The following EIF3H variants were observed in gnomAD, a reference collection of about 807,000 sequenced individuals.
EIF3H encodes eIF-3-gamma.
A neutral mutation model predicts 44.2 loss-of-function variants in EIF3H; 26 were observed. The ratio of observed to expected loss-of-function variants is 0.59; its 90% CI spans 0.43 to 0.82. The LOEUF (loss-of-function observed/expected upper bound fraction) is 0.82, where lower values mean the gene tolerates loss of function less well. Among genes scored for constraint, EIF3H ranks in the 40% least tolerant of loss-of-function variants. EIF3H has a pLI of 0.00. For missense variants in EIF3H, 359 were observed against 432.8 expected (o/e 0.83, Z 1.51); for synonymous variants, 166 against 151.9 (o/e 1.09, Z -0.68).
At chr8:116,735,280 C>T (rs953566347) in intron 1 of EIF3H, among the ~76,000 whole-genome samples, 28 of 152,148 alleles carry the variant, frequency 1.8e-4, no homozygotes, top group African/African-American at 6.0e-4. Flanking sequence ...GGCTGAGCCA[C>T]GAAAGTAGAA....
chr8:116,687,234 C>A (rs1586456597), intron 2 of EIF3H, among the ~76,000 whole-genome samples: 1 of 152,102 alleles, frequency 6.6e-6, no homozygotes, highest in South Asian at 2.1e-4. Flanking sequence ...TATGTGTTAC[C>A]TTTAAAAGGG....
intron 2 of EIF3H, among the ~76,000 whole-genome samples, chr8:116,706,660 G>A (rs754803855): frequency 4.6e-5 from 7 of 152,006 alleles, no homozygotes; most frequent in African/African-American, 9.7e-5. Context: ...TCAGCCTCAC[G>A]AGTAGCTGAG....
At chr8:116,719,948 T>C (rs926839643) in intron 2 of EIF3H, among the ~76,000 whole-genome samples, 9 of 152,166 alleles carry the variant, frequency 5.9e-5, no homozygotes, top group South Asian at 2.1e-4. Context: ...TCTATTATAG[T>C]AGAAAAACCA....
intron 1 of EIF3H, among the ~76,000 whole-genome samples, chr8:116,745,596 G>C (rs1488216658): frequency 6.6e-6 from 1 of 152,174 alleles, no homozygotes; most frequent in East Asian, 1.9e-4. Flanking sequence ...AATGGCCCAG[G>C]ATGTTTGCAG....
At chr8:116,649,274 C>T (rs905744450) in intron 5 of EIF3H, among the ~76,000 whole-genome samples, 1 of 152,168 alleles carries the variant, frequency 6.6e-6, no homozygotes, top group African/African-American at 2.4e-5. Flanking sequence ...TTAACTTACT[C>T]CTGCCCAAAT....
At chr8:116,689,248 T>A in intron 2 of EIF3H, 1 of 295,208 alleles carries the variant, frequency 3.4e-6, no homozygotes, top group East Asian at 1.1e-4. Context: ...AGACAGAATG[T>A]AGATTTGAGG....
intron 2 of EIF3H, among the ~76,000 whole-genome samples, chr8:116,713,534 C>T (rs780743800): frequency 4.6e-5 from 7 of 152,040 alleles, no homozygotes; most frequent in Admixed American, 1.3e-4. Flanking sequence ...TTTGTTCCTA[C>T]TATTGTATTT....
intron 1 of EIF3H, among the ~76,000 whole-genome samples, chr8:116,738,461 A>G (rs560440773): frequency 1.3e-5 from 2 of 152,328 alleles, no homozygotes; most frequent in African/African-American, 4.8e-5. Context: ...CACTGCACAC[A>G]TATATACAAA....
At position 116,654,600 on chromosome 8, in the gene EIF3H, T is replaced by C. The variant is rs573291739; in HGVS notation, c.707+1256A>G. 3.9e-5 allele frequency among the ~76,000 whole-genome samples: 6 copies of C among 152,338 alleles called. No individual in the cohort carries two copies. In the South Asian group the frequency reaches 1.2e-3, roughly 32 times the overall value. On this transcript the variant is annotated intron_variant, in intron 5 of 7. Coordinates refer to ENST00000521861, the MANE Select transcript of EIF3H (RefSeq NM_003756.3). ...TTTGTAAAAGCAATAAAGAAAAATA[T>C]GACCTTCTAAAACAGACAAATTAAA...
chr8:116,743,784 ATATATATATATATAAACAC>A, intron 1 of EIF3H, among the ~76,000 whole-genome samples: 1 of 90,804 alleles, frequency 1.1e-5, no homozygotes, highest in South Asian at 3.7e-4. Context: ...ATATATATAT[ATATATATATATATAAACAC>A]ACACACACAC....
At chr8:116,705,782 G>C (rs939564029) in intron 2 of EIF3H, among the ~76,000 whole-genome samples, 1 of 152,022 alleles carries the variant, frequency 6.6e-6, no homozygotes, top group East Asian at 1.9e-4. Context: ...AGAAAAACTG[G>C]TGAAATCCAG....
chr8:116,656,431 T>C (rs536129510), intron 4 of EIF3H, among the ~76,000 whole-genome samples: 4 of 152,182 alleles, frequency 2.6e-5, no homozygotes, highest in South Asian at 4.1e-4. Flanking sequence ...GTTTAACAAG[T>C]AGCAGAACAC....
chr8:116,663,165 C>T (rs1194858019), intron 2 of EIF3H, among the ~76,000 whole-genome samples: 2 of 152,050 alleles, frequency 1.3e-5, no homozygotes, highest in East Asian at 3.9e-4. Context: ...TGGTATTTCA[C>T]TCTCGAGAAA....
intron 1 of EIF3H, chr8:116,737,375 G>A: frequency 2.4e-6 from 1 of 412,486 alleles, no homozygotes; most frequent in Non-Finnish European, 4.7e-6. Context: ...AATTAATAGG[G>A]CTGGGCGCAG....
intron 1 of EIF3H, among the ~76,000 whole-genome samples, chr8:116,733,618 A>C (rs1030506890): frequency 5.3e-5 from 8 of 152,080 alleles, no homozygotes; most frequent in Non-Finnish European, 7.4e-5. Flanking sequence ...TAAAAAAAAA[A>C]CAAACTCTTA....
chr8:116,669,074 T>C (rs2130813399), intron 2 of EIF3H, among the ~76,000 whole-genome samples: 1 of 152,288 alleles, frequency 6.6e-6, no homozygotes, highest in South Asian at 2.1e-4. Context: ...AATCAAAGTC[T>C]ATGCATTTCT....
intron 2 of EIF3H, among the ~76,000 whole-genome samples, chr8:116,685,668 G>A (rs892609590): frequency 6.6e-6 from 1 of 152,148 alleles, no homozygotes; most frequent in African/African-American, 2.4e-5. Context: ...GCAAGTCCAG[G>A]TGACCAGGAG....
At chr8:116,695,633 A>G (rs1032778827) in intron 2 of EIF3H, among the ~76,000 whole-genome samples, 2 of 152,106 alleles carry the variant, frequency 1.3e-5, no homozygotes, top group African/African-American at 4.8e-5. Flanking sequence ...GGATAGGAGG[A>G]GGAATAGCAC....
intron 1 of EIF3H, among the ~76,000 whole-genome samples, chr8:116,764,607 G>A (rs1184100365): frequency 6.6e-6 from 1 of 152,186 alleles, no homozygotes; most frequent in Non-Finnish European, 1.5e-5. Context: ...AGCACACTAA[G>A]AGCTTTTTCT....
Sources: gnomAD v4.1 joint callset for allele counts (sites outside exome capture counted in the v4.1 genomes callset) on GRCh38, gnomAD v4.1.1 for gene constraint, MANE v1.5 for transcripts, NCBI Gene and HGNC (gene_info 2026-07-23, HGNC 2026-07-21) for gene names.